The following WASF2 variants were observed in gnomAD, a reference collection of about 807,000 sequenced individuals.
WASF2 encodes WASP family member 2.
A neutral mutation model predicts 45.0 loss-of-function variants in WASF2; 14 were observed. The observed-to-expected ratio is 0.31, with a 90% CI of 0.21 to 0.49. The LOEUF (loss-of-function observed/expected upper bound fraction) is 0.49, where lower values mean the gene tolerates loss of function less well. Among genes scored for constraint, WASF2 ranks in the 20% least tolerant of loss-of-function variants. WASF2 has a pLI of 0.99. For missense variants in WASF2, 439 were observed against 636.1 expected (o/e 0.69, Z 3.33); for synonymous variants, 200 against 236.3 (o/e 0.85, Z 1.41).
intron 1 of WASF2, among the ~76,000 whole-genome samples, chr1:27,486,588 T>TATTA (rs1055243304): frequency 1.8e-4 from 28 of 152,280 alleles, no homozygotes; most frequent in African/African-American, 6.7e-4. Flanking sequence ...CATCCTCTAA[T>TATTA]ATCTAGATCA....
chr1:27,487,664 ATT>A (rs1390306865), intron 1 of WASF2, among the ~76,000 whole-genome samples: 1 of 105,012 alleles, frequency 9.5e-6, no homozygotes, highest in African/African-American at 3.8e-5. Context: ...TATAATATAT[ATT>A]ATATATATTT....
In WASF2 at chr1:27,416,149, C is replaced by A. The variant is rs772244712; in HGVS notation, c.420-47G>T. 3 of 1,522,054 alleles carry A rather than the reference C, an allele frequency of 2.0e-6. No homozygotes were observed. In the South Asian group the frequency reaches 3.4e-5, roughly 17 times the overall value. 94.3% of individuals were successfully genotyped at this position (1,522,054 alleles called of 1,614,324 possible). ...GTAGCTGTCAGTAGACAGATGAGCT[C>A]CCAACCAAATCCAATATTCCAAACA... On this transcript the variant is annotated intron_variant, in intron 4 of 8. Coordinates refer to ENST00000618852, the MANE Select transcript of WASF2 (RefSeq NM_006990.5).
chr1:27,419,260 A>G (rs1392351121), intron 2 of WASF2, among the ~76,000 whole-genome samples, 172 bp from the exon 3 acceptor site: 1 of 152,048 alleles, frequency 6.6e-6, no homozygotes, highest in Non-Finnish European at 1.5e-5. Context: ...ACAGAGAAAT[A>G]CTCTTCATAG....
At chr1:27,439,180 T>C (rs2017175388) in intron 1 of WASF2, among the ~76,000 whole-genome samples, 1 of 152,226 alleles carries the variant, frequency 6.6e-6, no homozygotes, top group African/African-American at 2.4e-5. Context: ...TCTCAGTCTA[T>C]TTCCTAGCCT....
intron 1 of WASF2, among the ~76,000 whole-genome samples, chr1:27,459,867 A>G (rs1015159815): frequency 2.6e-5 from 4 of 152,252 alleles, no homozygotes; most frequent in Non-Finnish European, 5.9e-5. Context: ...AAAATCCACA[A>G]TAGATTCTAT....
At position 27,410,075 on chromosome 1, in the gene WASF2, G is replaced by C. The variant is rs200402519; in HGVS notation, c.956C>G (p.Pro319Arg). Residue 319 changes from proline (P) to arginine (R), a missense_variant, in exon 8 of 9, where the codon CCA (proline) becomes CGA (arginine). This residue lies in a region of WASF2 where 286 missense variants were observed against 373.5 expected (regional missense o/e 0.77). Transcript: ENST00000618852. The surrounding 1 kb of genome is among the most constrained non-coding windows in gnomAD (Gnocchi z 4.2). ...AGGCGGAGGTGGCGGAGGGGCAGGT[G>C]GTGGAGCAAACCCGGGTTTAGGGCC... ...PPGPKPGFAPPPAPPPPPPPM... is the reference protein window; with the variant it reads ...PPGPKPGFAPRPAPPPPPPPM... 2.5e-6 allele frequency: 4 copies of C among 1,613,290 alleles called. No homozygotes were observed. The Admixed American group carries it at 6.7e-5, about 27-fold the overall frequency.
intron 1 of WASF2, among the ~76,000 whole-genome samples, chr1:27,478,712 A>T (rs1187337781): frequency 1.3e-5 from 2 of 151,978 alleles, no homozygotes; most frequent in African/African-American, 2.4e-5. Flanking sequence ...CCTCCAGAGT[A>T]GCTGGGATTA....
At chr1:27,460,214 TAAATGCCAATTTTTTTTTTA>T (rs2017526251) in intron 1 of WASF2, among the ~76,000 whole-genome samples, 1 of 152,220 alleles carries the variant, frequency 6.6e-6, no homozygotes, top group Non-Finnish European at 1.5e-5. Context: ...TTTATGGTTT[TAAATGCCAATTTTTTTTTTA>T]ATGGGACAAG....
chr1:27,477,411 A>T (rs894195667), intron 1 of WASF2, among the ~76,000 whole-genome samples: 1 of 152,130 alleles, frequency 6.6e-6, no homozygotes, highest in South Asian at 2.1e-4. Context: ...GTGTTGACAC[A>T]TGCCTACAAT....
intron 1 of WASF2, among the ~76,000 whole-genome samples, chr1:27,478,181 A>G (rs6663718): frequency 0.15 from 22,725 of 151,174 alleles, 2,242 homozygotes; most frequent in East Asian, 0.37. Flanking sequence ...CTGCACTCTA[A>G]CCTGGGGGAC....
At chr1:27,447,829 A>G (rs574319006) in intron 1 of WASF2, among the ~76,000 whole-genome samples, 27 of 152,356 alleles carry the variant, frequency 1.8e-4, no homozygotes, top group African/African-American at 6.3e-4. Flanking sequence ...TTTCATCTTG[A>G]TAACACTGGT....
chr1:27,418,920 C>T, intron 3 of WASF2, 34 bp downstream of exon 3: 1 of 1,599,288 alleles, frequency 6.3e-7, no homozygotes, highest in South Asian at 1.1e-5. Context: ...AACTGCTCAG[C>T]AGAGCCTGCA....
chr1:27,483,195 C>T (rs1278407806), intron 1 of WASF2, among the ~76,000 whole-genome samples: 2 of 152,000 alleles, frequency 1.3e-5, no homozygotes, highest in African/African-American at 4.8e-5. Context: ...TTAGGCCGGG[C>T]GTGGTGGCTC....
chr1:27,428,542 G>T (rs780125150), intron 2 of WASF2, among the ~76,000 whole-genome samples: 5 of 152,186 alleles, frequency 3.3e-5, no homozygotes, highest in Non-Finnish European at 7.3e-5. Flanking sequence ...GGAGGGGGAG[G>T]GAGGAGGGAA....
rs981245232 is a variant in WASF2 at position 27,414,299 on chromosome 1, C to T, written c.668+534G>A. On this transcript the variant is annotated intron_variant, in intron 6 of 8. Coordinates refer to ENST00000618852, the MANE Select transcript of WASF2 (RefSeq NM_006990.5). The surrounding 1 kb of genome is among the most constrained non-coding windows in gnomAD (Gnocchi z 4.1). ...CTTATTTCTCCACAGAGATATATAG[C>T]CTCAATACTGGCCAAGCAACCTTTC... Among the ~76,000 whole-genome samples, 1 of 152,198 alleles carries T rather than the reference C, an allele frequency of 6.6e-6. No individual in the cohort carries two copies. The highest frequency in any genetic ancestry group is 2.4e-5 in the African/African-American group (1 of 41,454).
intron 7 of WASF2, among the ~76,000 whole-genome samples, chr1:27,411,771 G>C (rs2016764113): frequency 3.3e-5 from 5 of 152,268 alleles, no homozygotes; most frequent in Admixed American, 3.3e-4. Context: ...GCTAAGGCAA[G>C]AGAATGGCAT....
intron 8 of WASF2, among the ~76,000 whole-genome samples, chr1:27,408,907 CAAGG>C (rs2016716390): frequency 6.6e-6 from 1 of 151,582 alleles, no homozygotes; most frequent in Admixed American, 6.6e-5. Context: ...GGGCAGGGGG[CAAGG>C]AAGGAAGACA....
intron 1 of WASF2, among the ~76,000 whole-genome samples, chr1:27,471,783 G>A (rs926827156): frequency 6.6e-6 from 1 of 152,068 alleles, no homozygotes; most frequent in Non-Finnish European, 1.5e-5. Flanking sequence ...AGAGAAGAAT[G>A]TCCAGAAGGA....
At chr1:27,468,617 G>A (rs1161987017) in intron 1 of WASF2, among the ~76,000 whole-genome samples, 1 of 151,720 alleles carries the variant, frequency 6.6e-6, no homozygotes, top group Non-Finnish European at 1.5e-5. Flanking sequence ...CTCCAGCCTG[G>A]GCGACAAGAG....
Sources: gnomAD v4.1 joint callset for allele counts (sites outside exome capture counted in the v4.1 genomes callset) on GRCh38, gnomAD v4.1.1 for gene constraint, gnomAD v4.1.1 regional missense constraint, Gnocchi (gnomAD v3.1) non-coding constraint, MANE v1.5 for transcripts, NCBI Gene and HGNC (gene_info 2026-07-23, HGNC 2026-07-21) for gene names.